The following YIPF7 variants were observed in gnomAD, a reference collection of about 807,000 sequenced individuals.
YIPF7 encodes Yip1 domain family member 7, also known as protein YIPF7.
Under a neutral mutation model 27.2 loss-of-function variants are expected in YIPF7, and 35 were observed. That is an observed-to-expected ratio of 1.29 (90% confidence interval 0.98 to 1.70). The LOEUF (loss-of-function observed/expected upper bound fraction) is 1.70. Ranked by LOEUF, YIPF7 falls within the 40% of genes most tolerant of loss-of-function variation. The pLI, the probability that YIPF7 is intolerant of heterozygous loss-of-function variation, is 0.00. For synonymous variants in YIPF7, 137 were observed against 110.4 expected (o/e 1.24, Z -1.51); for missense variants, 358 against 303.7 (o/e 1.18, Z -1.33).
intron 1 of YIPF7, among the ~76,000 whole-genome samples, chr4:44,661,585 G>C (rs1054625374): frequency 7.0e-6 from 1 of 142,806 alleles, no homozygotes; most frequent in African/African-American, 2.5e-5. Context: ...GTTGCAATAT[G>C]CATTTGTCAT....
chr4:44,654,330 T>A (rs1002104710), upstream of YIPF7, among the ~76,000 whole-genome samples: 1 of 152,050 alleles, frequency 6.6e-6, no homozygotes, highest in Non-Finnish European at 1.5e-5. Flanking sequence ...TGTTTCTGTG[T>A]CCTGAATGAC....
chr4:44,630,888 T>C lies in YIPF7; in HGVS notation c.281-1340A>G, dbSNP rs73191063. 2.0e-3 allele frequency among the ~76,000 whole-genome samples: 309 copies of C among 152,130 alleles called. 3 individuals are homozygous for C. Among genetic ancestry groups the C allele is most frequent in the African/African-American group, 6.7e-3 (279 of 41,496 alleles). On this transcript the variant is annotated intron_variant, in intron 3 of 5. Transcript: ENST00000415895. Reference sequence around the variant, plus strand: ...GAAAGCGAATATTCAAAGAGAAGAGTATGACTTGACTATTTAGGGACCAGC... The same window carrying C: ...GAAAGCGAATATTCAAAGAGAAGAGCATGACTTGACTATTTAGGGACCAGC...
intron 2 of YIPF7, among the ~76,000 whole-genome samples, chr4:44,660,117 A>AAAAAAAAAAAAAAAAAAAAAC (rs1560332836): frequency 7.0e-6 from 1 of 143,512 alleles, no homozygotes; most frequent in Non-Finnish European, 1.5e-5. Context: ...CTGTCTCAAA[A>AAAAAAAAAAAAAAAAAAAAAC]AAAAAAAAAA....
intron 5 of YIPF7, among the ~76,000 whole-genome samples, chr4:44,623,770 A>G (rs1577730794): frequency 6.6e-6 from 1 of 152,304 alleles, no homozygotes; most frequent in African/African-American, 2.4e-5. Flanking sequence ...AAGAAAAAAG[A>G]AAAAAACATA....
At chr4:44,639,997 T>G (rs1713272831) in intron 2 of YIPF7, among the ~76,000 whole-genome samples, 1 of 152,232 alleles carries the variant, frequency 6.6e-6, no homozygotes, top group South Asian at 2.1e-4. Context: ...TCACATTTAT[T>G]GCTTTACATG....
intron 2 of YIPF7, among the ~76,000 whole-genome samples, chr4:44,638,733 T>G (rs1431046258): frequency 6.6e-6 from 1 of 152,246 alleles, no homozygotes; most frequent in Admixed American, 6.5e-5. Context: ...TTGTTTCCTA[T>G]GCTTTTGAGG....
chr4:44,649,591 C>A (rs1317412217), intron 2 of YIPF7, among the ~76,000 whole-genome samples: 2 of 151,162 alleles, frequency 1.3e-5, no homozygotes, highest in Non-Finnish European at 2.9e-5. Flanking sequence ...GGCAACATGG[C>A]CAAATCTCGT....
intron 3 of YIPF7, among the ~76,000 whole-genome samples, chr4:44,629,853 C>A (rs1007606857): frequency 1.2e-4 from 19 of 152,284 alleles, no homozygotes; most frequent in African/African-American, 4.3e-4. Flanking sequence ...CAAATACAAG[C>A]TTTAAATCTA....
Position 44,624,582 on chromosome 4 carries a change from A to C in YIPF7, c.608+19T>G. On this transcript the variant is annotated intron_variant, in intron 5 of 5. Transcript: ENST00000415895. ...TATGATTGTGCATGTGGGGTCATTG[A>C]GAGCACACAGACACTTACTGCAGTG... The C allele has an allele frequency of 6.4e-7, 1 of 1,555,918 alleles. No homozygotes were observed. The highest frequency in any genetic ancestry group is 8.7e-7 in the Non-Finnish European group (1 of 1,152,040).
intron 1 of YIPF7, among the ~76,000 whole-genome samples, chr4:44,661,453 A>G (rs1212574882): frequency 6.6e-6 from 1 of 152,248 alleles, no homozygotes; most frequent in East Asian, 1.9e-4. Flanking sequence ...TTGATCCATA[A>G]GAAACTCAAA....
intron 1 of YIPF7, 33 bp downstream of exon 1, chr4:44,651,521 A>G (rs1453536754): frequency 1.3e-6 from 2 of 1,483,706 alleles, no homozygotes; most frequent in South Asian, 1.3e-5. Flanking sequence ...TTTTGTTTAA[A>G]TGCCAAGTCT....
chr4:44,631,763 T>A (rs1712905676), intron 3 of YIPF7, among the ~76,000 whole-genome samples: 1 of 152,116 alleles, frequency 6.6e-6, no homozygotes, highest in Non-Finnish European at 1.5e-5. Flanking sequence ...ACGTAATTTT[T>A]GAAAGAGAAG....
rs17600797 is a variant in YIPF7 at position 44,624,789 on chromosome 4, C to T, written c.427-7G>A. 223 of 1,599,968 alleles carry T rather than the reference C, an allele frequency of 1.4e-4. No individual in the cohort carries two copies. The highest frequency in any genetic ancestry group is 1.7e-4 in the Middle Eastern group (1 of 6,004). Reference sequence around the variant, plus strand: ...CAAACTGAACTTTTCCTGCCTGAAACGACGTGAAGAAAAAACAGTTTGAAC... The same window carrying T: ...CAAACTGAACTTTTCCTGCCTGAAATGACGTGAAGAAAAAACAGTTTGAAC... On this transcript the variant is annotated splice_polypyrimidine_tract_variant and splice_region_variant and intron_variant, in intron 4 of 5. Transcript: ENST00000415895.
chr4:44,655,300 G>A (rs1713857746), upstream of YIPF7, among the ~76,000 whole-genome samples: 1 of 151,996 alleles, frequency 6.6e-6, no homozygotes, highest in African/African-American at 2.4e-5. Flanking sequence ...GCAGTCCTCT[G>A]ATATAAAAAT....
chr4:44,626,763 C>CTTTTTTTT lies in YIPF7; in HGVS notation c.427-1989_427-1982dup, dbSNP rs71190269. Reference sequence around the variant, plus strand: ...CCCTATTCCATCCTCATTAGCACATCTTTTTTTTTTTTTTTTTTTTTTTTT... The same window carrying CTTTTTTTT: ...CCCTATTCCATCCTCATTAGCACATCTTTTTTTTTTTTTTTTTTTTTTTTTTTTTTTTT... On this transcript the variant is annotated intron_variant, in intron 4 of 5. Transcript: ENST00000415895. 9.1e-3 allele frequency among the ~76,000 whole-genome samples: 635 copies of CTTTTTTTT among 69,772 alleles called. 146 individuals are homozygous for CTTTTTTTT. Among genetic ancestry groups the CTTTTTTTT allele is most frequent in the Non-Finnish European group, 0.011 (444 of 41,080 alleles). 45.8% of individuals were successfully genotyped at this position (69,772 alleles called of 152,430 possible). A position where few individuals can be genotyped will look rare whatever the true frequency, so the allele number is the denominator to read the frequency against.
chr4:44,625,804 T>C (rs536469186), intron 4 of YIPF7, among the ~76,000 whole-genome samples: 2 of 152,210 alleles, frequency 1.3e-5, no homozygotes, highest in Non-Finnish European at 2.9e-5. Flanking sequence ...ATGTTTGCTA[T>C]CTGAGAATAC....
At chr4:44,653,969 T>C (rs1713813572), upstream of YIPF7, among the ~76,000 whole-genome samples, 1 of 152,058 alleles carries the variant, frequency 6.6e-6, no homozygotes, top group Non-Finnish European at 1.5e-5. Context: ...CACAGTTTCC[T>C]TCATAAAAAC....
At chr4:44,649,331 TC>T in intron 2 of YIPF7, among the ~76,000 whole-genome samples, 1 of 152,136 alleles carries the variant, frequency 6.6e-6, no homozygotes, top group Non-Finnish European at 1.5e-5. Context: ...TAAAGGGGAT[TC>T]ATGGAGAACT....
chr4:44,634,119 T>C (rs896682855), intron 3 of YIPF7, among the ~76,000 whole-genome samples: 5 of 152,220 alleles, frequency 3.3e-5, no homozygotes, highest in Admixed American at 6.5e-5. Context: ...TTACTTGCTA[T>C]AAGGAATAAC....
Sources: gnomAD v4.1 joint callset for allele counts (sites outside exome capture counted in the v4.1 genomes callset) on GRCh38, gnomAD v4.1.1 for gene constraint, MANE v1.5 for transcripts, NCBI Gene and HGNC (gene_info 2026-07-23, HGNC 2026-07-21) for gene names.